Variants in ATP7B observed in about 807,000 individuals in gnomAD.
The protein encoded by ATP7B is ATPase copper transporting beta, also known as copper-transporting ATPase 2.
In ATP7B, 113 loss-of-function variants were observed where a neutral mutation model predicts 118.9. The observed-to-expected ratio is 0.95, with a 90% CI of 0.82 to 1.11. The LOEUF (loss-of-function observed/expected upper bound fraction) is 1.11. Ranked by LOEUF, ATP7B falls within the 50% of genes most tolerant of loss-of-function variation. The probability of loss-of-function intolerance (pLI) is 0.00; values close to 1 mark genes in which losing one functional copy is unlikely to be tolerated. For synonymous variants in ATP7B, 777 were observed against 727.4 expected, an observed-to-expected ratio of 1.07 and a Z score of -1.10; for missense variants, 1,867 against 1,871.4, an observed-to-expected ratio of 1.00 and a Z score of 0.04.
intron 12 of ATP7B, 142 bp downstream of exon 12, chr13:51,949,520 T>C (rs1566497175): frequency 8.2e-7 from 1 of 1,222,212 alleles, no homozygotes; most frequent in African/African-American, 1.5e-5. Context: ...CTGGCTTAGA[T>C]TTTGCTGTCA....
intron 1 of ATP7B, among the ~76,000 whole-genome samples, chr13:52,006,207 C>T (rs1456775938): frequency 1.3e-5 from 2 of 152,186 alleles, no homozygotes; most frequent in Non-Finnish European, 2.9e-5. Flanking sequence ...TCGGGGCTCT[C>T]AGCACTGAAC....
chr13:52,011,403 A>C lies in ATP7B; in HGVS notation c.-66T>G. On this transcript the variant is annotated 5_prime_UTR_variant, in exon 1 of 21. Coordinates refer to ENST00000242839, the MANE Select transcript of ATP7B (RefSeq NM_000053.4). ...GAGCAAAAGGTCACCTGGTCGGTGG[A>C]GGAGAGCGGGGTGTTAAAGTCCCGG... 1 of 1,609,858 alleles carries C rather than the reference A, an allele frequency of 6.2e-7. No individual in the cohort carries two copies. Among genetic ancestry groups the C allele is most frequent in the South Asian group, 1.1e-5 (1 of 90,986 alleles).
chr13:51,964,839 A>G (rs764046664), intron 5 of ATP7B, 33 bp downstream of exon 5: 1 of 1,607,062 alleles, frequency 6.2e-7, no homozygotes, highest in Non-Finnish European at 8.5e-7. Context: ...TGTTTTTAAA[A>G]AGGTGACTAC....
intron 16 of ATP7B, 98 bp downstream of exon 16, chr13:51,940,983 T>C (rs946332364): frequency 3.2e-5 from 49 of 1,551,902 alleles, no homozygotes; most frequent in Admixed American, 6.8e-5. Flanking sequence ...AGGCTTTTGT[T>C]TGTCTTCTTT....
At chr13:51,960,742 T>C (rs1461189367) in intron 6 of ATP7B, among the ~76,000 whole-genome samples, 1 of 152,210 alleles carries the variant, frequency 6.6e-6, no homozygotes, top group African/African-American at 2.4e-5. Context: ...ATTTTATTAG[T>C]ATAAACTTAT....
At chr13:52,007,651 G>A (rs1036547057) in intron 1 of ATP7B, among the ~76,000 whole-genome samples, 3 of 151,990 alleles carry the variant, frequency 2.0e-5, no homozygotes, top group Admixed American at 6.6e-5. Flanking sequence ...GAGTTAGCAC[G>A]GACCCCACAG....
chr13:51,937,827 G>T, intron 17 of ATP7B, 148 bp from the exon 18 acceptor site: 1 of 908,062 alleles, frequency 1.1e-6, no homozygotes, highest in South Asian at 1.4e-5. Flanking sequence ...TGCTGTCACA[G>T]GGCCAGTTTA....
rs754148852 is a variant in ATP7B at position 51,937,534 on chromosome 13, A to G, written c.3845T>C (p.Val1282Ala). The G allele has an allele frequency of 2.5e-6, 4 of 1,614,100 alleles. No homozygotes were observed. The African/African-American group carries it at 5.3e-5, about 22-fold the overall frequency. The change falls in exon 18 of 21, where the codon GTG becomes GCG. Residue 1282 changes from valine to alanine, a missense_variant. By Grantham distance (64) the Val-to-Ala change is moderately conservative (BLOSUM62 0). Coordinates refer to ENST00000242839, the MANE Select transcript of ATP7B (RefSeq NM_000053.4). ...SPALAQADMG[V>A]AIGTGTDVAI... Reference sequence around the variant, plus strand: ...CACATCCGTGCCGGTGCCAATGGCCACACCCATGTCTGCCTGGGCCAAGGC... The same window carrying G: ...CACATCCGTGCCGGTGCCAATGGCCGCACCCATGTCTGCCTGGGCCAAGGC...
At chr13:51,935,502 G>A (rs559816720) in intron 20 of ATP7B, 91 bp downstream of exon 20, 29 of 1,354,898 alleles carry the variant, frequency 2.1e-5, no homozygotes, top group Non-Finnish European at 2.9e-5. Flanking sequence ...GAATGAATGG[G>A]AAATGAGAGG....
chr13:51,966,824 T>A, intron 4 of ATP7B: 1 of 1,612,446 alleles, frequency 6.2e-7, no homozygotes, highest in African/African-American at 1.3e-5. Flanking sequence ...GAGCTAGGAG[T>A]GGGAATAGCT....
At chr13:52,011,472 TAAA>T, upstream of ATP7B, 1 of 852,942 alleles carries the variant, frequency 1.2e-6, no homozygotes, top group South Asian at 1.5e-5. Flanking sequence ...GGCTCGGCTC[TAAA>T]GCAAACAGGG....
chr13:51,991,177 C>T (rs1351157578), intron 1 of ATP7B, among the ~76,000 whole-genome samples: 2 of 152,126 alleles, frequency 1.3e-5, no homozygotes, highest in African/African-American at 4.8e-5. Flanking sequence ...AAGTCCACCA[C>T]GTAACAACCT....
At chr13:51,963,995 G>A (rs1958927232) in intron 5 of ATP7B, among the ~76,000 whole-genome samples, 4 of 151,944 alleles carry the variant, frequency 2.6e-5, no homozygotes, top group Admixed American at 6.6e-5. Flanking sequence ...AGGTTGCAGT[G>A]AGCCAAAATC....
upstream of ATP7B, chr13:52,011,898 G>T (rs543128530): frequency 1.1e-5 from 3 of 268,446 alleles, no homozygotes; most frequent in East Asian, 3.2e-4. Flanking sequence ...CGCCTGCGGG[G>T]AAGGTGCCCG....
intron 1 of ATP7B, among the ~76,000 whole-genome samples, chr13:52,000,189 T>C (rs1953422447): frequency 6.6e-6 from 1 of 152,162 alleles, no homozygotes; most frequent in Non-Finnish European, 1.5e-5. Context: ...TACCTTAGAC[T>C]GGGTAATTTA....
chr13:51,970,709 C>T lies in ATP7B; in HGVS notation c.1326G>A (p.Gly442=), dbSNP rs1371066375. 2 of 1,614,086 alleles carry T rather than the reference C, an allele frequency of 1.2e-6. No individual in the cohort carries two copies. The highest frequency in any genetic ancestry group is 8.5e-7 in the Non-Finnish European group (1 of 1,179,988). The stretch of plus-strand genomic sequence containing the variant: ...CATCTGTAGTTTGCACCATGGAATT[C>T]CCAGCACTGTGGTTTCCAAGAGGGT... The part of the protein sequence containing the change: ...STNPLGNHSA[G]NSMVQTTDGT... The change falls in exon 3 of 21, where the codon GGG becomes GGA. Residue 442 remains glycine, a synonymous_variant. Transcript: ENST00000242839.
rs1253362115 is a variant in ATP7B, at chr13:51,942,565, G to A, written c.3244-11C>T. 4.3e-6 allele frequency: 7 copies of A among 1,613,796 alleles called. No homozygotes were observed. The South Asian group carries it at 4.4e-5, about 10-fold the overall frequency. The stretch of plus-strand genomic sequence containing the variant: ...CTCTGTTCCAAGTTCCTGGGAAGGT[G>A]GAAAGAGAGGAAGAGGAAACTGTAA... On this transcript the variant is annotated splice_polypyrimidine_tract_variant and intron_variant, in intron 14 of 20. Coordinates refer to ENST00000242839, the MANE Select transcript of ATP7B (RefSeq NM_000053.4).
intron 9 of ATP7B, among the ~76,000 whole-genome samples, chr13:51,953,766 C>T (rs9535803): frequency 0.045 from 6,403 of 143,554 alleles, 210 homozygotes; most frequent in South Asian, 0.12. Flanking sequence ...CCTCATTAAA[C>T]ACAAGTTAAG....
At chr13:51,948,264 A>G (rs1159438080) in intron 12 of ATP7B, among the ~76,000 whole-genome samples, 1 of 152,078 alleles carries the variant, frequency 6.6e-6, no homozygotes, top group Non-Finnish European at 1.5e-5. Flanking sequence ...CTGTATTTGT[A>G]CTTTTTGCTA....
Sources: allele counts gnomAD v4.1 joint callset (sites outside exome capture counted in the v4.1 genomes callset), GRCh38; gene constraint gnomAD v4.1.1; transcripts MANE v1.5; gene names NCBI Gene and HGNC (gene_info 2026-07-23, HGNC 2026-07-21).